The following ZNF385B variants were observed in gnomAD, a reference collection of about 807,000 sequenced individuals.
ZNF385B encodes the protein zinc finger protein 385B.
Under a neutral mutation model 39.2 loss-of-function variants are expected in ZNF385B, and 23 were observed. The observed-to-expected ratio is 0.59, with a 90% CI of 0.42 to 0.83. The LOEUF (loss-of-function observed/expected upper bound fraction) is 0.83, where lower values mean the gene tolerates loss of function less well. ZNF385B is among the 40% of genes least tolerant of loss of function. The probability of loss-of-function intolerance (pLI) is 0.00; values close to 1 mark genes in which losing one functional copy is unlikely to be tolerated. For synonymous variants in ZNF385B, 205 were observed against 222.6 expected (o/e 0.92, Z 0.70); for missense variants, 552 against 598.9 (o/e 0.92, Z 0.82).
chr2:179,816,741 A>C (rs1433121917), intron 1 of ZNF385B, among the ~76,000 whole-genome samples: 1 of 152,212 alleles, frequency 6.6e-6, no homozygotes, highest in Admixed American at 6.5e-5. Flanking sequence ...ATAAATATCT[A>C]AATAAAAGCT....
At chr2:179,590,334 A>T (rs996369937) in intron 3 of ZNF385B, among the ~76,000 whole-genome samples, 1 of 152,214 alleles carries the variant, frequency 6.6e-6, no homozygotes, top group Non-Finnish European at 1.5e-5. Flanking sequence ...TCATGGGATT[A>T]AACGAGACAA....
At chr2:179,501,002 C>T (rs1045194350) in intron 5 of ZNF385B, among the ~76,000 whole-genome samples, 5 of 152,112 alleles carry the variant, frequency 3.3e-5, no homozygotes, top group Non-Finnish European at 7.4e-5. Context: ...TGTTCAACAT[C>T]ATTGATCATC....
At chr2:179,718,118 T>C (rs1700448640) in intron 3 of ZNF385B, among the ~76,000 whole-genome samples, 1 of 152,088 alleles carries the variant, frequency 6.6e-6, no homozygotes, top group Non-Finnish European at 1.5e-5. Flanking sequence ...GACTTCATTA[T>C]TCTACCAATA....
chr2:179,510,829 T>C (rs577203404), intron 5 of ZNF385B, among the ~76,000 whole-genome samples: 16 of 152,108 alleles, frequency 1.1e-4, no homozygotes, highest in Non-Finnish European at 2.2e-4. Flanking sequence ...AGAAGAAATG[T>C]GATAGTTTAG....
chr2:179,697,700 G>C lies in ZNF385B; in HGVS notation c.298+71803C>G, dbSNP rs115916134. 6.8e-3 allele frequency among the ~76,000 whole-genome samples: 1,034 copies of C among 152,232 alleles called. 10 individuals are homozygous for C. Among genetic ancestry groups the C allele is most frequent in the African/African-American group, 0.023 (962 of 41,540 alleles). On this transcript the variant is annotated intron_variant, in intron 3 of 9. Coordinates refer to ENST00000410066, the MANE Select transcript of ZNF385B (RefSeq NM_152520.6). ...TAAGATGATCCTAATCAAAAGAAAG[G>C]ATGTGCTCTTTTCCTTTTTTTTGGT... is the stretch of plus-strand genomic sequence containing the variant.
intron 3 of ZNF385B, among the ~76,000 whole-genome samples, chr2:179,627,120 TACCAATTAATATCCA>T (rs1372625425): frequency 2.1e-4 from 32 of 152,308 alleles, no homozygotes; most frequent in African/African-American, 7.5e-4. Context: ...CTTCTTAGCC[TACCAATTAATATCCA>T]ACCAAATTAG....
intron 3 of ZNF385B, among the ~76,000 whole-genome samples, chr2:179,590,374 G>A (rs1687453332): frequency 6.6e-6 from 1 of 152,118 alleles, no homozygotes; most frequent in South Asian, 2.1e-4. Context: ...CCCAATGCCT[G>A]GCAACTGGTA....
intron 3 of ZNF385B, among the ~76,000 whole-genome samples, chr2:179,674,480 T>C (rs1253127217): frequency 6.6e-6 from 1 of 152,190 alleles, no homozygotes; most frequent in Non-Finnish European, 1.5e-5. Context: ...ATGGGAAACC[T>C]TCACCTGATA....
intron 3 of ZNF385B, among the ~76,000 whole-genome samples, chr2:179,614,561 G>T (rs938366997): frequency 1.3e-5 from 2 of 152,130 alleles, no homozygotes; most frequent in African/African-American, 4.8e-5. Context: ...CTATACACTT[G>T]TATTACTCCA....
At chr2:179,844,637 G>A (rs1176315927) in intron 1 of ZNF385B, among the ~76,000 whole-genome samples, 1 of 152,056 alleles carries the variant, frequency 6.6e-6, no homozygotes, top group South Asian at 2.1e-4. Context: ...TCAGCCAAAA[G>A]AATTATCTGA....
At chr2:179,577,941 T>C (rs1396667768) in intron 3 of ZNF385B, among the ~76,000 whole-genome samples, 1 of 152,120 alleles carries the variant, frequency 6.6e-6, no homozygotes, top group Non-Finnish European at 1.5e-5. Context: ...TCAGTAAGTA[T>C]CTAAATAGTT....
intron 5 of ZNF385B, among the ~76,000 whole-genome samples, chr2:179,494,156 A>T (rs1281696679): frequency 6.6e-6 from 1 of 152,136 alleles, no homozygotes; most frequent in Admixed American, 6.6e-5. Context: ...TTTCACAGAG[A>T]CCTGAATGAA....
chr2:179,485,359 T>C (rs1244012357), intron 5 of ZNF385B, among the ~76,000 whole-genome samples: 1 of 152,238 alleles, frequency 6.6e-6, no homozygotes, highest in Non-Finnish European at 1.5e-5. Context: ...ATGCCATGAT[T>C]AGATTAAGCC....
At chr2:179,684,605 G>GA (rs1303520013) in intron 3 of ZNF385B, among the ~76,000 whole-genome samples, 1 of 152,110 alleles carries the variant, frequency 6.6e-6, no homozygotes, top group African/African-American at 2.4e-5. Flanking sequence ...GAGGAAGGAA[G>GA]AAAAAAATCA....
intron 3 of ZNF385B, among the ~76,000 whole-genome samples, chr2:179,692,179 C>T (rs1260574454): frequency 6.6e-6 from 1 of 152,092 alleles, no homozygotes; most frequent in Non-Finnish European, 1.5e-5. Context: ...TCTGGTGACC[C>T]ATCATTCTGC....
intron 1 of ZNF385B, among the ~76,000 whole-genome samples, chr2:179,803,906 T>A (rs1007106375): frequency 2.0e-5 from 3 of 152,126 alleles, no homozygotes; most frequent in Non-Finnish European, 4.4e-5. Flanking sequence ...TAATCCTGTA[T>A]CTGGAAATAA....
intron 3 of ZNF385B, among the ~76,000 whole-genome samples, chr2:179,636,771 T>G (rs1001621712): frequency 8.5e-5 from 13 of 152,168 alleles, no homozygotes; most frequent in African/African-American, 2.9e-4. Context: ...CTTTAATATT[T>G]AACTTTGACT....
chr2:179,603,155 T>A (rs1688538500), intron 3 of ZNF385B, among the ~76,000 whole-genome samples: 1 of 152,128 alleles, frequency 6.6e-6, no homozygotes, highest in Non-Finnish European at 1.5e-5. Context: ...GTAGGACAAA[T>A]GTGGATTCAA....
intron 1 of ZNF385B, among the ~76,000 whole-genome samples, chr2:179,823,140 C>T (rs1038410450): frequency 2.6e-5 from 4 of 152,096 alleles, no homozygotes; most frequent in East Asian, 1.9e-4. Context: ...ACCTTGATTC[C>T]ATGAGTGAGA....
Sources: allele counts gnomAD v4.1 joint callset (sites outside exome capture counted in the v4.1 genomes callset), GRCh38; gene constraint gnomAD v4.1.1; transcripts MANE v1.5; gene names NCBI Gene and HGNC (gene_info 2026-07-23, HGNC 2026-07-21).